The following SHISAL1 variants were observed in gnomAD, a reference collection of about 807,000 sequenced individuals.
The protein encoded by SHISAL1 is protein shisa-like-1.
In SHISAL1, 9 loss-of-function variants were observed where a neutral mutation model predicts 22.6. The observed-to-expected ratio is 0.40, with a 90% CI of 0.24 to 0.70. SHISAL1 has a LOEUF of 0.70. Among genes scored for constraint, SHISAL1 ranks in the 30% least tolerant of loss-of-function variants. The probability of loss-of-function intolerance (pLI) is 0.39; values close to 1 mark genes in which losing one functional copy is unlikely to be tolerated. For missense variants in SHISAL1, 246 were observed against 270.6 expected (o/e 0.91, Z 0.64); for synonymous variants, 119 against 115.4 (o/e 1.03, Z -0.20).
chr22:44,297,652 T>C (rs2055396755), intron 2 of SHISAL1, among the ~76,000 whole-genome samples: 1 of 152,254 alleles, frequency 6.6e-6, no homozygotes, highest in Non-Finnish European at 1.5e-5. Flanking sequence ...CAGCCACCAA[T>C]GCTACTGCAA....
Position 44,310,573 on chromosome 22 carries a change from A to T in SHISAL1, c.-33+2178T>A, listed in dbSNP as rs1426659112. ...CCCACACCTTGCAGGTATACCAAAC[A>T]TAGAAAGGACCAGAAGCTAGCAGGG... On this transcript the variant is annotated intron_variant, in intron 1 of 4. Transcript: ENST00000381176. This position sits in a 1 kb window ranked among gnomAD's most constrained non-coding sequence, Gnocchi z 4.0. Among the ~76,000 whole-genome samples the T allele has an allele frequency of 1.3e-5, 2 of 152,152 alleles. No homozygotes were observed. The highest frequency in any genetic ancestry group is 2.9e-5 in the Non-Finnish European group (2 of 68,014).
chr22:44,246,245 A>G lies in SHISAL1; in HGVS notation c.*3440T>C, dbSNP rs549501807. 1 of 152,360 alleles carries G rather than the reference A, an allele frequency of 6.6e-6. No homozygotes were observed. The highest frequency in any genetic ancestry group is 1.5e-5 in the Non-Finnish European group (1 of 68,044). The allele number at this position is 152,360 out of a possible 1,614,324, so 9.4% of individuals were successfully genotyped here. On this transcript the variant is annotated 3_prime_UTR_variant, in exon 5 of 5. Transcript: ENST00000381176. ...CGTACACAGACGAGAGGGAAAGCAT[A>G]AAACTGCTCATTAATTACACACAGT...
chr22:44,301,929 G>A (rs976230895), intron 1 of SHISAL1, among the ~76,000 whole-genome samples: 18 of 152,180 alleles, frequency 1.2e-4, no homozygotes, highest in Non-Finnish European at 1.8e-4. Context: ...GATGGGGAGT[G>A]AATGTTTCAT....
At chr22:44,270,985 GCA>G (rs2055202051) in intron 4 of SHISAL1, among the ~76,000 whole-genome samples, 2 of 152,164 alleles carry the variant, frequency 1.3e-5, no homozygotes, top group Admixed American at 6.5e-5. Flanking sequence ...GGTGAAGGAG[GCA>G]CACTTAGCAG....
At chr22:44,285,887 G>A (rs2055311874) in intron 3 of SHISAL1, 142 bp from the exon 4 acceptor site, 1 of 701,680 alleles carries the variant, frequency 1.4e-6, no homozygotes, top group Non-Finnish European at 2.4e-6. Flanking sequence ...CCTCTGGAGG[G>A]CGGGGCCTTG....
At chr22:44,305,840 C>T (rs2055467093) in intron 1 of SHISAL1, among the ~76,000 whole-genome samples, 1 of 152,158 alleles carries the variant, frequency 6.6e-6, no homozygotes, top group Non-Finnish European at 1.5e-5. Context: ...GACAAAAGCC[C>T]CAGGGGCGTG....
chr22:44,299,122 G>T (rs1358029516), intron 2 of SHISAL1, among the ~76,000 whole-genome samples: 1 of 152,178 alleles, frequency 6.6e-6, no homozygotes, highest in Admixed American at 6.5e-5. Flanking sequence ...TGTGCACTAG[G>T]GGCCCTACGA....
the SHISAL1 span, among the ~76,000 whole-genome samples, chr22:44,330,777 C>T: frequency 1.3e-5 from 2 of 152,196 alleles, no homozygotes; most frequent in Non-Finnish European, 2.9e-5. Flanking sequence ...ACCACGGGCA[C>T]TAATGAGCTT....
rs1010343768 is a variant in SHISAL1 at position 44,244,634 on chromosome 22, G to A, written c.*5051C>T. ...ACTTTCACGGGTGGGACAGGTAAGT[G>A]TTCTGAATTCATTTTGTGAATCTGA... On this transcript the variant is annotated 3_prime_UTR_variant, in exon 5 of 5. Transcript: ENST00000381176. 3 of 152,156 alleles carry A rather than the reference G, an allele frequency of 2.0e-5. No individual in the cohort carries two copies. The highest frequency in any genetic ancestry group is 2.9e-5 in the Non-Finnish European group (2 of 68,030). 9.4% of individuals were successfully genotyped at this position (152,156 alleles called of 1,614,324 possible). A position where few individuals can be genotyped will look rare whatever the true frequency, so the allele number is the denominator to read the frequency against.
At chr22:44,277,775 T>C (rs1030399224) in intron 4 of SHISAL1, among the ~76,000 whole-genome samples, 10 of 152,206 alleles carry the variant, frequency 6.6e-5, no homozygotes, top group Middle Eastern at 3.2e-3. Flanking sequence ...CACCGCCTGC[T>C]CCTTGGACAA....
At chr22:44,300,537 T>C (rs1350878778) in intron 2 of SHISAL1, among the ~76,000 whole-genome samples, 1 of 152,152 alleles carries the variant, frequency 6.6e-6, no homozygotes, top group African/African-American at 2.4e-5. Context: ...TCCTCATCTA[T>C]AAAATGGGAT....
chr22:44,325,416 G>A, the SHISAL1 span, among the ~76,000 whole-genome samples: 1 of 152,162 alleles, frequency 6.6e-6, no homozygotes, highest in African/African-American at 2.4e-5. Context: ...CCCCAGCATG[G>A]GCATCACCGG....
chr22:44,262,818 C>G (rs546930710), intron 4 of SHISAL1, among the ~76,000 whole-genome samples: 80 of 152,288 alleles, frequency 5.3e-4, no homozygotes, highest in Non-Finnish European at 1.1e-3. Flanking sequence ...TGGGCTGGTG[C>G]CTGCAACCTA....
chr22:44,289,734 C>A (rs932008884), intron 3 of SHISAL1, among the ~76,000 whole-genome samples: 1 of 152,208 alleles, frequency 6.6e-6, no homozygotes, highest in Non-Finnish European at 1.5e-5. Context: ...GGCTGGCCCT[C>A]CCTGTGGTCA....
At chr22:44,300,813 C>G in intron 2 of SHISAL1, 66 bp downstream of exon 2, 1 of 1,406,274 alleles carries the variant, frequency 7.1e-7, no homozygotes, top group South Asian at 1.2e-5. Flanking sequence ...TGGGCCAGCA[C>G]GAATCTCAGG....
chr22:44,300,106 CAGACAGAG>C (rs2055416737), intron 2 of SHISAL1, among the ~76,000 whole-genome samples: 1 of 145,284 alleles, frequency 6.9e-6, no homozygotes, highest in Non-Finnish European at 1.5e-5. Context: ...CACAGAGAGA[CAGACAGAG>C]AGACAGAGAC....
At chr22:44,289,427 C>A (rs979129156) in intron 3 of SHISAL1, among the ~76,000 whole-genome samples, 1 of 151,874 alleles carries the variant, frequency 6.6e-6, no homozygotes, top group Non-Finnish European at 1.5e-5. Context: ...CCCTGTCCTC[C>A]CTCCTTGGGG....
intron 4 of SHISAL1, among the ~76,000 whole-genome samples, chr22:44,275,486 T>C (rs1277220643): frequency 6.6e-6 from 1 of 152,144 alleles, no homozygotes; most frequent in Non-Finnish European, 1.5e-5. Context: ...CTCAGGTGCT[T>C]TGGGGGACCC....
intron 4 of SHISAL1, among the ~76,000 whole-genome samples, chr22:44,276,401 C>G (rs1464047300): frequency 6.6e-6 from 1 of 152,134 alleles, no homozygotes; most frequent in Non-Finnish European, 1.5e-5. Context: ...ATTTTGATTC[C>G]TAAGTGTGAA....
Sources: allele counts gnomAD v4.1 joint callset (sites outside exome capture counted in the v4.1 genomes callset), GRCh38; gene constraint gnomAD v4.1.1; non-coding constraint Gnocchi (gnomAD v3.1); transcripts MANE v1.5; gene names NCBI Gene and HGNC (gene_info 2026-07-23, HGNC 2026-07-21).